PTPRK: variants seen among roughly 807,000 people sequenced by gnomAD.
PTPRK encodes the protein protein tyrosine phosphatase receptor type K.
A neutral mutation model predicts 178.0 loss-of-function variants in PTPRK; 75 were observed. That is an observed-to-expected ratio of 0.42 (90% CI 0.35 to 0.51). PTPRK has a LOEUF of 0.51. Ranked by LOEUF, PTPRK falls within the 20% of genes least tolerant of loss-of-function variation. The pLI, the probability that PTPRK is intolerant of heterozygous loss-of-function variation, is 0.02. For missense variants in PTPRK, 1,441 were observed against 1,797.8 expected (o/e 0.80, Z 3.59); for synonymous variants, 637 against 620.6 (o/e 1.03, Z -0.39).
intron 1 of PTPRK, among the ~76,000 whole-genome samples, chr6:128,418,508 T>C (rs1418984217): frequency 6.6e-6 from 1 of 152,220 alleles, no homozygotes; most frequent in Non-Finnish European, 1.5e-5. Context: ...GTGAGGGATC[T>C]AGGTTGCAAG....
intron 1 of PTPRK, among the ~76,000 whole-genome samples, chr6:128,465,677 C>G (rs1338053314): frequency 6.6e-6 from 1 of 152,150 alleles, no homozygotes; most frequent in East Asian, 1.9e-4. Flanking sequence ...CCAGGTGTCT[C>G]TCTCAACTTG....
intron 7 of PTPRK, among the ~76,000 whole-genome samples, chr6:128,148,043 C>T (rs982449687): frequency 3.3e-5 from 5 of 152,038 alleles, no homozygotes; most frequent in Admixed American, 6.5e-5. Flanking sequence ...TAAGATAAGG[C>T]TGCCAAGAAT....
intron 13 of PTPRK, among the ~76,000 whole-genome samples, chr6:128,023,456 G>GT (rs1773827285): frequency 6.6e-6 from 1 of 152,082 alleles, no homozygotes. Flanking sequence ...CCTGGAGCTG[G>GT]TGTTGCCTCC....
chr6:128,111,937 G>C (rs1790738453), intron 7 of PTPRK, among the ~76,000 whole-genome samples: 2 of 152,020 alleles, frequency 1.3e-5, no homozygotes, highest in Admixed American at 6.6e-5. Flanking sequence ...GTGTATCTGT[G>C]AATGACTTAT....
At chr6:128,419,854 A>G (rs1843283589) in intron 1 of PTPRK, among the ~76,000 whole-genome samples, 1 of 152,214 alleles carries the variant, frequency 6.6e-6, no homozygotes, top group Non-Finnish European at 1.5e-5. Context: ...CTGTTCCTCT[A>G]AAGTCTTCCC....
intron 15 of PTPRK, among the ~76,000 whole-genome samples, chr6:128,001,884 T>C (rs1777873792): frequency 6.6e-6 from 1 of 151,920 alleles, no homozygotes; most frequent in Non-Finnish European, 1.5e-5. Flanking sequence ...TTATTAACTT[T>C]ATACTGACAG....
chr6:128,210,993 C>T (rs1808050182), intron 6 of PTPRK, among the ~76,000 whole-genome samples: 2 of 152,066 alleles, frequency 1.3e-5, no homozygotes, highest in Admixed American at 1.3e-4. Flanking sequence ...CAGTTTAGGG[C>T]TCAGAAAACA....
chr6:128,202,644 C>A (rs138636674), intron 6 of PTPRK, among the ~76,000 whole-genome samples: 1 of 152,080 alleles, frequency 6.6e-6, no homozygotes, highest in Non-Finnish European at 1.5e-5. Flanking sequence ...CTAAGAAGGA[C>A]GGAGTTCCCC....
At chr6:127,995,239 T>C (rs1777013261) in intron 18 of PTPRK, 2 of 1,598,370 alleles carry the variant, frequency 1.3e-6, no homozygotes, top group Non-Finnish European at 1.7e-6. Flanking sequence ...TTACATATAG[T>C]GGTACTTACA....
chr6:128,299,016 G>C (rs529513040), intron 3 of PTPRK, among the ~76,000 whole-genome samples: 40 of 152,304 alleles, frequency 2.6e-4, no homozygotes, highest in African/African-American at 9.4e-4. Flanking sequence ...AGCAACTTCA[G>C]CGAAGTCTCA....
chr6:128,148,729 A>C (rs1170620509), intron 7 of PTPRK, among the ~76,000 whole-genome samples: 1 of 152,162 alleles, frequency 6.6e-6, no homozygotes, highest in African/African-American at 2.4e-5. Context: ...TTAGCCTTTC[A>C]TTTCTTACCT....
intron 6 of PTPRK, among the ~76,000 whole-genome samples, chr6:128,205,057 G>A (rs1457895954): frequency 3.9e-5 from 6 of 152,164 alleles, no homozygotes; most frequent in African/African-American, 1.4e-4. Flanking sequence ...TGTGGTACAT[G>A]TATACCATGA....
intron 1 of PTPRK, among the ~76,000 whole-genome samples, chr6:128,429,515 G>A (rs1449414097): frequency 3.3e-5 from 5 of 151,998 alleles, no homozygotes; most frequent in Admixed American, 6.5e-5. Context: ...TCCTCATCCC[G>A]TCCTACTAAT....
In PTPRK at chr6:128,009,259, G is replaced by A. The variant is rs1778782615; in HGVS notation, c.2204C>T (p.Thr735Ile). 6.9e-6 allele frequency: 11 copies of A among 1,603,574 alleles called. No individual in the cohort carries two copies. Among genetic ancestry groups the A allele is most frequent in the Admixed American group, 1.7e-5 (1 of 59,196 alleles). ...ATCTGGGATCACTTCTGGTTCTTCT[G>A]TTGCTGCTGCTAAATGGATAAAAAA... ...CVRIATKAAATEEPEVIPDPA... is the reference protein window; with the variant it reads ...CVRIATKAAAIEEPEVIPDPA... Residue 735 changes from threonine to isoleucine, a missense_variant, in exon 14 of 30, where the codon ACA becomes ATA. Thr to Ile is a moderately conservative substitution (Grantham distance 89, BLOSUM62 -1). Transcript: ENST00000368226.
At chr6:128,223,159 A>G (rs1203859461) in intron 5 of PTPRK, among the ~76,000 whole-genome samples, 1 of 149,496 alleles carries the variant, frequency 6.7e-6, no homozygotes, top group Non-Finnish European at 1.5e-5. Flanking sequence ...TCATTTATAT[A>G]TATTTTTTCC....
Position 128,150,613 on chromosome 6 carries a change from T to C in PTPRK, c.1162+33819A>G, listed in dbSNP as rs138706111. Among the ~76,000 whole-genome samples the C allele has an allele frequency of 4.0e-3, 603 of 152,250 alleles. 5 individuals carry two copies. The highest frequency in any genetic ancestry group is 0.014 in the African/African-American group (565 of 41,560). On this transcript the variant is annotated intron_variant, in intron 7 of 29. Coordinates refer to ENST00000368226, the MANE Select transcript of PTPRK (RefSeq NM_002844.4). ...TTGACACTTTCAAACAGCTGACTGC[T>C]ATTCATGCTTTGAAAATGTGCCCTG... is the stretch of plus-strand genomic sequence containing the variant.
At chr6:127,976,217 T>C (rs1289128409) in intron 27 of PTPRK, among the ~76,000 whole-genome samples, 1 of 152,216 alleles carries the variant, frequency 6.6e-6, no homozygotes, top group Non-Finnish European at 1.5e-5. Flanking sequence ...AACCCTTCTA[T>C]AATGGTTGAT....
chr6:128,154,139 T>C (rs1485180563), intron 7 of PTPRK, among the ~76,000 whole-genome samples: 1 of 151,842 alleles, frequency 6.6e-6, no homozygotes, highest in Admixed American at 6.6e-5. Flanking sequence ...AGAGTCATAA[T>C]TGTTATGAAT....
intron 29 of PTPRK, among the ~76,000 whole-genome samples, chr6:127,972,694 C>T (rs1424969106): frequency 6.6e-6 from 1 of 152,100 alleles, no homozygotes. Flanking sequence ...CTTAGACATA[C>T]AGCCTTGATA....
Sources: gnomAD v4.1 joint callset for allele counts (sites outside exome capture counted in the v4.1 genomes callset) on GRCh38, gnomAD v4.1.1 for gene constraint, MANE v1.5 for transcripts, NCBI Gene and HGNC (gene_info 2026-07-23, HGNC 2026-07-21) for gene names.